The following FEZ1 variants were observed in gnomAD, a reference collection of about 807,000 sequenced individuals.
FEZ1 encodes the protein fasciculation and elongation protein zeta-1.
A neutral mutation model predicts 49.3 loss-of-function variants in FEZ1; 20 were observed. The observed-to-expected ratio is 0.41, with a 90% CI of 0.29 to 0.59. The LOEUF is 0.59. Among genes scored for constraint, FEZ1 ranks in the 20% least tolerant of loss-of-function variants. The pLI, the probability that FEZ1 is intolerant of heterozygous loss-of-function variation, is 0.36. For missense variants in FEZ1, 413 were observed against 476.0 expected, an observed-to-expected ratio of 0.87 and a Z score of 1.23; for synonymous variants, 170 against 180.9, an observed-to-expected ratio of 0.94 and a Z score of 0.48.
At chr11:125,473,436 A>C (rs947686128) in intron 3 of FEZ1, among the ~76,000 whole-genome samples, 2 of 152,194 alleles carry the variant, frequency 1.3e-5, no homozygotes, top group Non-Finnish European at 2.9e-5. Context: ...GCTTGAGCCA[A>C]GGAGCTCAAG....
In FEZ1 at chr11:125,489,258, A is replaced by T; in HGVS notation, c.311+209T>A. ...ATCTAGGAAAACCTTCATTCCTCTA[A>T]GGTTTCAATTTAAGAAAGTTCTCCT... On this transcript the variant is annotated intron_variant, in intron 2 of 9. Transcript: ENST00000278919. This position sits in a 1 kb window ranked among gnomAD's most constrained non-coding sequence, Gnocchi z 4.2. 8.2e-7 allele frequency: 1 copy of T among 1,212,678 alleles called. No individual in the cohort carries two copies. The highest frequency in any genetic ancestry group is 1.0e-6 in the Non-Finnish European group (1 of 976,074). The allele number at this position is 1,212,678 out of a possible 1,614,324, so 75.1% of individuals were successfully genotyped here. A position where few individuals can be genotyped will look rare whatever the true frequency, so the allele number is the denominator to read the frequency against.
At chr11:125,487,929 T>A (rs1349011006) in intron 2 of FEZ1, among the ~76,000 whole-genome samples, 1 of 152,182 alleles carries the variant, frequency 6.6e-6, no homozygotes, top group African/African-American at 2.4e-5. Context: ...CAGGTTCCAA[T>A]CCTCTAGGAC....
At position 125,495,799 on chromosome 11, in the gene FEZ1, GACACACACACACACAC is replaced by G. The variant is rs10524234; in HGVS notation, c.-46+306_-46+321del. On this transcript the variant is annotated intron_variant, in intron 1 of 9. Transcript: ENST00000278919. This position sits in a 1 kb window ranked among gnomAD's most constrained non-coding sequence, Gnocchi z 4.2. ...GCACACACGCGGGCACACACACGCG[GACACACACACACACAC>G]ACACACACACACACACACACCAGGC... 1.1e-3 allele frequency: 337 copies of G among 309,838 alleles called. 2 individuals are homozygous for G. The highest frequency in any genetic ancestry group is 3.5e-3 in the Middle Eastern group (3 of 868). The allele number at this position is 309,838 out of a possible 1,614,324, so 19.2% of individuals were successfully genotyped here.
chr11:125,468,857 T>C (rs1489038480), intron 3 of FEZ1, among the ~76,000 whole-genome samples: 1 of 152,134 alleles, frequency 6.6e-6, no homozygotes, highest in East Asian at 1.9e-4. Flanking sequence ...TCAAGAATAA[T>C]GAGACCCAAG....
rs1431561841 is a variant in FEZ1 at position 125,495,674 on chromosome 11, G to C, written c.-46+447C>G. On this transcript the variant is annotated intron_variant, in intron 1 of 9. Coordinates refer to ENST00000278919, the MANE Select transcript of FEZ1 (RefSeq NM_005103.5). This position sits in a 1 kb window ranked among gnomAD's most constrained non-coding sequence, Gnocchi z 4.2. ...GTTTACGGTGACTGGACCAGATAAC[G>C]GTCCCGGGACGAGGTACCGACCCAC... 7 of 390,120 alleles carry C rather than the reference G, an allele frequency of 1.8e-5. No homozygotes were observed. Among genetic ancestry groups the C allele is most frequent in the Non-Finnish European group, 3.1e-5 (6 of 191,266 alleles). 24.2% of individuals were successfully genotyped at this position (390,120 alleles called of 1,614,324 possible). A position where few individuals can be genotyped will look rare whatever the true frequency, so the allele number is the denominator to read the frequency against.
chr11:125,490,912 C>A (rs1957375118), intron 1 of FEZ1, among the ~76,000 whole-genome samples: 1 of 152,016 alleles, frequency 6.6e-6, no homozygotes, highest in Non-Finnish European at 1.5e-5. Context: ...TGCCACCACA[C>A]CCAGCTAATT....
At chr11:125,452,645 A>G in intron 7 of FEZ1, 1 of 463,352 alleles carries the variant, frequency 2.2e-6, no homozygotes, top group East Asian at 3.4e-5. Flanking sequence ...TACACTACAA[A>G]CTTCTCTGTT....
intron 2 of FEZ1, among the ~76,000 whole-genome samples, chr11:125,486,291 G>A (rs747005935): frequency 4.6e-5 from 7 of 152,138 alleles, no homozygotes; most frequent in South Asian, 2.1e-4. Flanking sequence ...CCCCAGTGAC[G>A]TAGGAGGTAA....
chr11:125,446,181 T>C (rs774803295), intron 9 of FEZ1, 70 bp from the exon 10 acceptor site: 9 of 1,477,630 alleles, frequency 6.1e-6, no homozygotes, highest in Non-Finnish European at 8.5e-6. Flanking sequence ...GAGCCCTGGA[T>C]AGCCCTAGCT....
At chr11:125,485,856 G>A (rs1957322098) in intron 2 of FEZ1, among the ~76,000 whole-genome samples, 1 of 152,064 alleles carries the variant, frequency 6.6e-6, no homozygotes, top group South Asian at 2.1e-4. Flanking sequence ...TGAGGCAGGA[G>A]AATTGCTTGA....
chr11:125,465,719 C>G (rs1293301465), intron 3 of FEZ1, among the ~76,000 whole-genome samples: 1 of 152,130 alleles, frequency 6.6e-6, no homozygotes, highest in Admixed American at 6.5e-5. Context: ...TGCGGGTTAC[C>G]CCCTAATCCT....
chr11:125,456,071 G>A lies in FEZ1; in HGVS notation c.703C>T (p.Leu235=). ...ATGGCACCCTCCACCTGGTCCAGCA[G>A]CTCGGTCAGCTCAGACCCAGACATG... ...RHMSGSELTE[L]LDQVEGAIRD... The change falls in exon 6 of 10, where the codon CTG becomes TTG. Residue 235 remains leucine (L), a synonymous_variant. Coordinates refer to ENST00000278919, the MANE Select transcript of FEZ1 (RefSeq NM_005103.5). The A allele has an allele frequency of 6.2e-7, 1 of 1,608,824 alleles. No individual in the cohort carries two copies. Among genetic ancestry groups the A allele is most frequent in the South Asian group, 1.1e-5 (1 of 90,390 alleles).
chr11:125,489,288 G>A lies in FEZ1; in HGVS notation c.311+179C>T, dbSNP rs1478842930. ...TCAATTTAAGAAAGTTCTCCTCAGGGGACTGTAAAGGGACATATATAGAGC... is the reference window on the plus strand; with the variant it reads ...TCAATTTAAGAAAGTTCTCCTCAGGAGACTGTAAAGGGACATATATAGAGC... On this transcript the variant is annotated intron_variant, in intron 2 of 9. Transcript: ENST00000278919. This position sits in a 1 kb window ranked among gnomAD's most constrained non-coding sequence, Gnocchi z 4.2. 51 of 1,260,248 alleles carry A rather than the reference G, an allele frequency of 4.0e-5. No individual in the cohort carries two copies. Among genetic ancestry groups the A allele is most frequent in the Middle Eastern group, 3.0e-4 (1 of 3,302 alleles). The allele number at this position is 1,260,248 out of a possible 1,614,324, so 78.1% of individuals were successfully genotyped here. A position where few individuals can be genotyped will look rare whatever the true frequency, so the allele number is the denominator to read the frequency against.
chr11:125,483,474 T>C (rs568687617), intron 2 of FEZ1, among the ~76,000 whole-genome samples: 1 of 152,356 alleles, frequency 6.6e-6, no homozygotes, highest in East Asian at 1.9e-4. Context: ...CCATGGGTGA[T>C]ACCCTAATCT....
intron 2 of FEZ1, 146 bp from the exon 3 acceptor site, chr11:125,481,779 C>T: frequency 1.5e-6 from 1 of 656,234 alleles, no homozygotes; most frequent in Non-Finnish European, 2.7e-6. Flanking sequence ...GGCAAAGCAG[C>T]TTAAAAACTG....
At chr11:125,483,161 T>C (rs1022285186) in intron 2 of FEZ1, among the ~76,000 whole-genome samples, 2 of 152,018 alleles carry the variant, frequency 1.3e-5, no homozygotes, top group African/African-American at 2.4e-5. Context: ...AATCAGAAAG[T>C]AATGAGGGCA....
Position 125,495,120 on chromosome 11 carries a change from C to A in FEZ1, c.-46+1001G>T, listed in dbSNP as rs538132159. 8 of 349,440 alleles carry A rather than the reference C, an allele frequency of 2.3e-5. No homozygotes were observed. The highest frequency in any genetic ancestry group is 1.7e-4 in the South Asian group (8 of 46,136). 21.6% of individuals were successfully genotyped at this position (349,440 alleles called of 1,614,324 possible). A position where few individuals can be genotyped will look rare whatever the true frequency, so the allele number is the denominator to read the frequency against. On this transcript the variant is annotated intron_variant, in intron 1 of 9. Transcript: ENST00000278919. This position sits in a 1 kb window ranked among gnomAD's most constrained non-coding sequence, Gnocchi z 4.2. Reference sequence around the variant, plus strand: ...AGCAACCCCTTCGCGGTTCTGCTTGCTCCCCTCCCCCTCCTCCCGCTGCTC... The same window carrying A: ...AGCAACCCCTTCGCGGTTCTGCTTGATCCCCTCCCCCTCCTCCCGCTGCTC...
At chr11:125,478,870 C>G (rs1957255748) in intron 3 of FEZ1, among the ~76,000 whole-genome samples, 1 of 152,174 alleles carries the variant, frequency 6.6e-6, no homozygotes, top group Non-Finnish European at 1.5e-5. Context: ...TATCCTTTGG[C>G]TTAATTCACA....
At chr11:125,493,391 A>AAAGG (rs1423070297) in intron 1 of FEZ1, among the ~76,000 whole-genome samples, 1 of 59,054 alleles carries the variant, frequency 1.7e-5, no homozygotes, top group Non-Finnish European at 3.2e-5. Flanking sequence ...AGAAAGAAAG[A>AAAGG]AAGAAAGAAA....
Sources: allele counts gnomAD v4.1 joint callset (sites outside exome capture counted in the v4.1 genomes callset), GRCh38; gene constraint gnomAD v4.1.1; non-coding constraint Gnocchi (gnomAD v3.1); transcripts MANE v1.5; gene names NCBI Gene and HGNC (gene_info 2026-07-23, HGNC 2026-07-21).